The following KCNQ5 variants were observed in gnomAD, a reference collection of about 807,000 sequenced individuals.
KCNQ5 encodes potassium voltage-gated channel subfamily Q member 5.
KCNQ5 carries 30 observed loss-of-function variants against 98.2 expected under a neutral mutation model. The ratio of observed to expected loss-of-function variants is 0.31; its 90% CI spans 0.23 to 0.41. The LOEUF (loss-of-function observed/expected upper bound fraction) is 0.41, where lower values mean the gene tolerates loss of function less well. KCNQ5 is among the 10% of genes least tolerant of loss of function. The pLI, the probability that KCNQ5 is intolerant of heterozygous loss-of-function variation, is 1.00. For missense variants in KCNQ5, 835 were observed against 1,182.5 expected (o/e 0.71, Z 4.31); for synonymous variants, 458 against 449.4 (o/e 1.02, Z -0.24).
At chr6:72,995,443 T>A (rs1185911592) in intron 1 of KCNQ5, among the ~76,000 whole-genome samples, 1 of 151,150 alleles carries the variant, frequency 6.6e-6, no homozygotes, top group Non-Finnish European at 1.5e-5. Flanking sequence ...AGTAAAAAAA[T>A]TACATTAAAT....
chr6:73,138,881 C>G (rs911887964), intron 10 of KCNQ5, among the ~76,000 whole-genome samples: 4 of 152,196 alleles, frequency 2.6e-5, no homozygotes, highest in Admixed American at 6.5e-5. Context: ...CTTCATGTTC[C>G]TTTCTCCTCT....
chr6:72,725,273 A>C (rs1023682077), intron 1 of KCNQ5, among the ~76,000 whole-genome samples: 5 of 152,040 alleles, frequency 3.3e-5, no homozygotes, highest in African/African-American at 1.2e-4. Flanking sequence ...AAATCTGTAA[A>C]CTCTTAATTT....
At chr6:72,669,391 G>A (rs1187936266) in intron 1 of KCNQ5, among the ~76,000 whole-genome samples, 1 of 152,168 alleles carries the variant, frequency 6.6e-6, no homozygotes, top group Non-Finnish European at 1.5e-5. Flanking sequence ...GAGAATAATT[G>A]TCTTTGGCTT....
At chr6:73,169,651 T>C (rs1777931203) in intron 10 of KCNQ5, 95 bp from the exon 11 acceptor site, 1 of 848,884 alleles carries the variant, frequency 1.2e-6, no homozygotes, top group Non-Finnish European at 2.0e-6. Flanking sequence ...CAGCTTACTC[T>C]GTGAGTATCC....
chr6:72,907,858 G>A (rs1779764940), intron 1 of KCNQ5, among the ~76,000 whole-genome samples: 2 of 151,752 alleles, frequency 1.3e-5, no homozygotes, highest in African/African-American at 2.4e-5. Flanking sequence ...ATGAGAAGGA[G>A]GTCACTTAAA....
chr6:73,161,451 A>G (rs1248671935), intron 10 of KCNQ5, among the ~76,000 whole-genome samples: 1 of 152,222 alleles, frequency 6.6e-6, no homozygotes, highest in Non-Finnish European at 1.5e-5. Context: ...AAATAGCTCA[A>G]ATAGCTAGAA....
chr6:72,703,018 C>T (rs919635795), intron 1 of KCNQ5, among the ~76,000 whole-genome samples: 1 of 152,178 alleles, frequency 6.6e-6, no homozygotes, highest in Non-Finnish European at 1.5e-5. Flanking sequence ...CTGTCCTCTG[C>T]GCAGCCACAA....
chr6:72,682,415 C>T (rs1022877610), intron 1 of KCNQ5, among the ~76,000 whole-genome samples: 5 of 152,156 alleles, frequency 3.3e-5, no homozygotes, highest in Non-Finnish European at 7.4e-5. Context: ...CTGATTCTCT[C>T]CTTATTTTCA....
intron 1 of KCNQ5, among the ~76,000 whole-genome samples, chr6:72,983,571 T>A (rs1768582276): frequency 6.6e-6 from 1 of 152,164 alleles, no homozygotes; most frequent in African/African-American, 2.4e-5. Flanking sequence ...TAACCATTCA[T>A]CTAATCTTTT....
chr6:73,031,325 A>G (rs1771132545), intron 2 of KCNQ5, among the ~76,000 whole-genome samples: 1 of 152,234 alleles, frequency 6.6e-6, no homozygotes, highest in Non-Finnish European at 1.5e-5. Flanking sequence ...GACATCTTGC[A>G]GTAAGAAGCC....
chr6:72,906,954 T>A (rs2150200870), intron 1 of KCNQ5, among the ~76,000 whole-genome samples: 1 of 152,334 alleles, frequency 6.6e-6, no homozygotes, highest in South Asian at 2.1e-4. Context: ...TGAAGTTTTC[T>A]GATTATGTTA....
intron 13 of KCNQ5, among the ~76,000 whole-genome samples, 189 bp from the exon 14 acceptor site, chr6:73,194,263 C>T (rs1209717066): frequency 6.6e-6 from 1 of 152,178 alleles, no homozygotes; most frequent in East Asian, 1.9e-4. Flanking sequence ...CCCTCTCTTC[C>T]TAAGTCCTCC....
At chr6:72,834,813 T>G (rs762078371) in intron 1 of KCNQ5, among the ~76,000 whole-genome samples, 2 of 152,096 alleles carry the variant, frequency 1.3e-5, no homozygotes, top group African/African-American at 2.4e-5. Flanking sequence ...CTATTTTTGT[T>G]GTATGGCTCT....
intron 10 of KCNQ5, chr6:73,157,629 C>T (rs879032298): frequency 7.8e-6 from 6 of 774,142 alleles, no homozygotes; most frequent in South Asian, 6.8e-5. Flanking sequence ...TAGGTGAACG[C>T]AGCATGGGTG....
At chr6:72,635,047 T>C (rs1582016245) in intron 1 of KCNQ5, among the ~76,000 whole-genome samples, 2 of 151,718 alleles carry the variant, frequency 1.3e-5, no homozygotes, top group East Asian at 3.9e-4. Flanking sequence ...TTTTTTTTTT[T>C]TGAGACAGAG....
intron 1 of KCNQ5, among the ~76,000 whole-genome samples, chr6:72,854,712 C>G (rs1777445541): frequency 7.4e-6 from 1 of 135,820 alleles, no homozygotes; most frequent in African/African-American, 2.9e-5. Flanking sequence ...CAACCTCTCT[C>G]TTTCTTTGTA....
At chr6:72,630,154 C>T (rs1471516826) in intron 1 of KCNQ5, among the ~76,000 whole-genome samples, 2 of 151,934 alleles carry the variant, frequency 1.3e-5, no homozygotes, top group Non-Finnish European at 2.9e-5. Flanking sequence ...TGTTTTGATC[C>T]TCTAAAAGTA....
At chr6:72,895,753 A>G (rs1751149923) in intron 1 of KCNQ5, among the ~76,000 whole-genome samples, 1 of 150,912 alleles carries the variant, frequency 6.6e-6, no homozygotes, top group Admixed American at 6.6e-5. Flanking sequence ...GCATTTATTT[A>G]ATGTTTATGT....
intron 1 of KCNQ5, among the ~76,000 whole-genome samples, chr6:72,679,662 A>G (rs1040064799): frequency 2.6e-5 from 4 of 152,102 alleles, no homozygotes; most frequent in African/African-American, 9.7e-5. Flanking sequence ...AGCATGGCAC[A>G]TGTATACACA....
Sources: allele counts gnomAD v4.1 joint callset (sites outside exome capture counted in the v4.1 genomes callset), GRCh38; gene constraint gnomAD v4.1.1; transcripts MANE v1.5; gene names NCBI Gene and HGNC (gene_info 2026-07-23, HGNC 2026-07-21).